ADK: variants seen among roughly 807,000 people sequenced by gnomAD.
ADK encodes adenosine kinase.
In ADK, 24 loss-of-function variants were observed where a neutral mutation model predicts 44.7. That is an observed-to-expected ratio of 0.54 (90% CI 0.39 to 0.76). The LOEUF is 0.76. Ranked by LOEUF, ADK falls within the 30% of genes least tolerant of loss-of-function variation. The probability of loss-of-function intolerance (pLI) is 0.00; values close to 1 mark genes in which losing one functional copy is unlikely to be tolerated. For missense variants in ADK, 321 were observed against 425.1 expected (o/e 0.76, Z 2.15); for synonymous variants, 128 against 142.6 (o/e 0.90, Z 0.73).
At chr10:74,596,191 A>C (rs1851921256) in intron 8 of ADK, among the ~76,000 whole-genome samples, 1 of 152,092 alleles carries the variant, frequency 6.6e-6, no homozygotes, top group African/African-American at 2.4e-5. Context: ...GCATTTATAG[A>C]AGCACTATAA....
rs1554851152 is a variant in ADK at position 74,383,408 on chromosome 10, GTCTCTC to G, written c.274-10719_274-10714del. 1.7e-4 allele frequency among the ~76,000 whole-genome samples: 26 copies of G among 150,318 alleles called. No homozygotes were observed. The East Asian group carries it at 4.3e-3, about 25-fold the overall frequency. ...TCTGTCTGTCTCTGTCTCTGTCTCT[GTCTCTC>G]TCTCTCTCTCTCTTTCTCGGCCTCT... is the stretch of plus-strand genomic sequence containing the variant. On this transcript the variant is annotated intron_variant, in intron 4 of 10. Coordinates refer to ENST00000539909, the MANE Select transcript of ADK (RefSeq NM_006721.4).
intron 4 of ADK, among the ~76,000 whole-genome samples, chr10:74,336,970 G>A (rs539596760): frequency 1.4e-4 from 21 of 152,322 alleles, no homozygotes; most frequent in Admixed American, 1.4e-3. Flanking sequence ...TTGGTCTGCA[G>A]ATGCAGATCC....
chr10:74,385,248 T>C (rs1843104611), intron 4 of ADK, among the ~76,000 whole-genome samples: 1 of 152,204 alleles, frequency 6.6e-6, no homozygotes, highest in Non-Finnish European at 1.5e-5. Flanking sequence ...TGGCCTGTAC[T>C]AAAGTGGTGT....
intron 1 of ADK, among the ~76,000 whole-genome samples, chr10:74,165,295 T>C (rs1455509783): frequency 6.6e-6 from 1 of 152,088 alleles, no homozygotes; most frequent in African/African-American, 2.4e-5. Flanking sequence ...GTCTAATATT[T>C]GGGTTGTACA....
chr10:74,697,692 T>A (rs1856258311), intron 10 of ADK, among the ~76,000 whole-genome samples: 1 of 152,190 alleles, frequency 6.6e-6, no homozygotes, highest in African/African-American at 2.4e-5. Context: ...ATTAAGTGTC[T>A]CCATTAAGGC....
intron 2 of ADK, among the ~76,000 whole-genome samples, chr10:74,208,038 C>T (rs1022938361): frequency 1.3e-4 from 20 of 152,206 alleles, no homozygotes; most frequent in African/African-American, 2.9e-4. Flanking sequence ...AGTGCTGCCC[C>T]GAGCACATGC....
At chr10:74,259,465 T>C (rs1258134356) in intron 3 of ADK, among the ~76,000 whole-genome samples, 2 of 146,726 alleles carry the variant, frequency 1.4e-5, no homozygotes, top group African/African-American at 5.1e-5. Context: ...CCTTTTTTTT[T>C]TTTTTTTTTG....
At chr10:74,168,491 A>G (rs1466532012) in intron 1 of ADK, among the ~76,000 whole-genome samples, 6 of 147,384 alleles carry the variant, frequency 4.1e-5, no homozygotes, top group Non-Finnish European at 9.0e-5. Context: ...GTGAGCCGAG[A>G]TCGCGCCACT....
At chr10:74,587,679 A>C (rs1047563853) in intron 7 of ADK, among the ~76,000 whole-genome samples, 1 of 151,784 alleles carries the variant, frequency 6.6e-6, no homozygotes, top group Non-Finnish European at 1.5e-5. Flanking sequence ...ATCTCTTGGC[A>C]AAGATAATTT....
chr10:74,643,820 C>A (rs1853960186), intron 9 of ADK, among the ~76,000 whole-genome samples: 1 of 152,190 alleles, frequency 6.6e-6, no homozygotes, highest in African/African-American at 2.4e-5. Flanking sequence ...TGATTAGAGG[C>A]TAAGCTACAA....
chr10:74,538,862 CT>C (rs1478193922), intron 7 of ADK, among the ~76,000 whole-genome samples: 1 of 152,028 alleles, frequency 6.6e-6, no homozygotes, highest in Non-Finnish European at 1.5e-5. Context: ...TTGTAAATAA[CT>C]TTGATACAGG....
intron 6 of ADK, among the ~76,000 whole-genome samples, chr10:74,438,325 A>G (rs1156245671): frequency 2.0e-5 from 3 of 151,708 alleles, no homozygotes. Flanking sequence ...CCCGAGTTCA[A>G]GCAATTCTCC....
At chr10:74,591,808 G>A (rs1851732236) in intron 8 of ADK, among the ~76,000 whole-genome samples, 1 of 152,058 alleles carries the variant, frequency 6.6e-6, no homozygotes, top group East Asian at 1.9e-4. Flanking sequence ...GGAAAGGTGA[G>A]TATTTTTTCC....
intron 6 of ADK, among the ~76,000 whole-genome samples, chr10:74,436,696 C>T (rs965271848): frequency 6.6e-5 from 10 of 152,074 alleles, no homozygotes; most frequent in African/African-American, 1.7e-4. Context: ...GGCAACATGA[C>T]GTCAAAAGTG....
intron 6 of ADK, among the ~76,000 whole-genome samples, chr10:74,443,371 G>C (rs1592221992): frequency 6.6e-6 from 1 of 152,102 alleles, no homozygotes. Context: ...TAATAAGCAG[G>C]ATGAAGTACT....
intron 3 of ADK, among the ~76,000 whole-genome samples, chr10:74,236,611 C>A (rs1027358281): frequency 6.6e-6 from 1 of 152,134 alleles, no homozygotes; most frequent in Non-Finnish European, 1.5e-5. Flanking sequence ...CAAATCTACC[C>A]TTCATTATCC....
chr10:74,167,712 T>C (rs1040959581), intron 1 of ADK, among the ~76,000 whole-genome samples: 2 of 152,180 alleles, frequency 1.3e-5, no homozygotes, highest in African/African-American at 4.8e-5. Flanking sequence ...TATACACTAT[T>C]GGTCAGAGGA....
chr10:74,488,447 A>T (rs1467160799), intron 6 of ADK, among the ~76,000 whole-genome samples: 1 of 150,940 alleles, frequency 6.6e-6, no homozygotes, highest in Non-Finnish European at 1.5e-5. Flanking sequence ...TAAATAGCAT[A>T]GGAGTGTTCA....
At chr10:74,394,555 A>G (rs946236816) in intron 5 of ADK, among the ~76,000 whole-genome samples, 2 of 152,184 alleles carry the variant, frequency 1.3e-5, no homozygotes, top group African/African-American at 4.8e-5. Flanking sequence ...TCTACTTTTT[A>G]TAATTAGAAT....
Sources: gnomAD v4.1 joint callset for allele counts (sites outside exome capture counted in the v4.1 genomes callset) on GRCh38, gnomAD v4.1.1 for gene constraint, MANE v1.5 for transcripts, NCBI Gene and HGNC (gene_info 2026-07-23, HGNC 2026-07-21) for gene names.